Variants in L3MBTL4 observed in about 807,000 individuals in gnomAD.
The protein encoded by L3MBTL4 is L3MBTL histone methyl-lysine binding protein 4.
In L3MBTL4, 70 loss-of-function variants were observed where a neutral mutation model predicts 84.5. That is an observed-to-expected ratio of 0.83 (90% CI 0.68 to 1.01). The LOEUF (loss-of-function observed/expected upper bound fraction) is 1.01, where lower values mean the gene tolerates loss of function less well. Among genes scored for constraint, L3MBTL4 ranks in the 50% least tolerant of loss-of-function variants. The probability of loss-of-function intolerance (pLI) is 0.00; values close to 1 mark genes in which losing one functional copy is unlikely to be tolerated. For missense variants in L3MBTL4, 715 were observed against 754.8 expected (o/e 0.95, Z 0.62); for synonymous variants, 274 against 259.8 (o/e 1.05, Z -0.52).
intron 1 of L3MBTL4, among the ~76,000 whole-genome samples, chr18:6,383,946 G>A (rs1341654320): frequency 6.6e-6 from 1 of 152,176 alleles, no homozygotes; most frequent in Non-Finnish European, 1.5e-5. Flanking sequence ...CATCAAGGGT[G>A]TGCCTTTTTA....
intron 3 of L3MBTL4, among the ~76,000 whole-genome samples, chr18:6,305,360 A>G (rs2050536034): frequency 6.6e-6 from 1 of 152,202 alleles, no homozygotes; most frequent in South Asian, 2.1e-4. Context: ...AAATTGGACT[A>G]AATGTTCTCC....
chr18:6,294,186 G>A (rs1273235918), intron 4 of L3MBTL4, among the ~76,000 whole-genome samples: 1 of 152,040 alleles, frequency 6.6e-6, no homozygotes, highest in Non-Finnish European at 1.5e-5. Flanking sequence ...TCTTTGTCCT[G>A]TATTTGCAGC....
At chr18:6,137,908 T>G (rs990062085) in intron 14 of L3MBTL4, among the ~76,000 whole-genome samples, 1 of 151,874 alleles carries the variant, frequency 6.6e-6, no homozygotes, top group African/African-American at 2.4e-5. Flanking sequence ...CAGGACAGGG[T>G]GGTGGGTGTG....
At chr18:6,330,525 AT>A (rs2051976153) in intron 1 of L3MBTL4, among the ~76,000 whole-genome samples, 1 of 152,192 alleles carries the variant, frequency 6.6e-6, no homozygotes, top group African/African-American at 2.4e-5. Flanking sequence ...CCTCTTCCAC[AT>A]TTAAAGGAAC....
chr18:6,093,289 C>A, intron 15 of L3MBTL4, 66 bp downstream of exon 15: 1 of 1,268,466 alleles, frequency 7.9e-7, no homozygotes, highest in Non-Finnish European at 1.1e-6. Context: ...TTACTATTAA[C>A]AAAATTGTTC....
chr18:6,144,138 G>C (rs865858928), intron 13 of L3MBTL4, among the ~76,000 whole-genome samples: 5 of 143,492 alleles, frequency 3.5e-5, no homozygotes, highest in Middle Eastern at 7.9e-3. Context: ...GGAGCTTGCA[G>C]TGAGCTGAGA....
intron 10 of L3MBTL4, among the ~76,000 whole-genome samples, chr18:6,216,978 T>A (rs1296254396): frequency 2.6e-5 from 4 of 152,304 alleles, no homozygotes; most frequent in Middle Eastern, 3.4e-3. Context: ...TTAAAGTATG[T>A]TAGCATTTTC....
intron 4 of L3MBTL4, among the ~76,000 whole-genome samples, chr18:6,281,439 T>A (rs1177686954): frequency 1.3e-5 from 2 of 152,212 alleles, no homozygotes; most frequent in Non-Finnish European, 2.9e-5. Flanking sequence ...TTAAATACTG[T>A]CATAAATTGT....
At position 6,185,960 on chromosome 18, in the gene L3MBTL4, CTTTATTTTATTTTATTTTAT is replaced by C. The variant is rs771825177; in HGVS notation, c.982-14038_982-14019del. 3.9e-3 allele frequency among the ~76,000 whole-genome samples: 568 copies of C among 145,870 alleles called. 16 individuals carry two copies. The highest frequency in any genetic ancestry group is 0.015 in the African/African-American group (551 of 37,110). On this transcript the variant is annotated intron_variant, in intron 12 of 18. Transcript: ENST00000317931. Reference sequence around the variant, plus strand: ...AAGTGAAAACCAAAAAGGGCACTTTCTTTATTTTATTTTATTTTATTTTATTTTATTTTATTATTTTATAT... The same window carrying C: ...AAGTGAAAACCAAAAAGGGCACTTTCTTTATTTTATTTTATTATTTTATAT...
chr18:6,142,912 T>C (rs2060240636), intron 13 of L3MBTL4, among the ~76,000 whole-genome samples: 1 of 152,160 alleles, frequency 6.6e-6, no homozygotes, highest in South Asian at 2.1e-4. Flanking sequence ...AACAAATCCT[T>C]CATTAAGAAA....
At chr18:6,075,608 G>T (rs2057830557) in intron 16 of L3MBTL4, among the ~76,000 whole-genome samples, 1 of 152,024 alleles carries the variant, frequency 6.6e-6, no homozygotes, top group Non-Finnish European at 1.5e-5. Flanking sequence ...TGAACATGTG[G>T]TTGACAAAAA....
chr18:6,062,188 T>C (rs1281087930), intron 16 of L3MBTL4, among the ~76,000 whole-genome samples: 7 of 152,088 alleles, frequency 4.6e-5, no homozygotes, highest in Non-Finnish European at 8.8e-5. Context: ...ATTTCCCCAG[T>C]TTTTGTTTGT....
At chr18:6,005,653 T>G (rs1202980822) in intron 16 of L3MBTL4, among the ~76,000 whole-genome samples, 1 of 152,216 alleles carries the variant, frequency 6.6e-6, no homozygotes, top group Non-Finnish European at 1.5e-5. Flanking sequence ...TCTATGTTTC[T>G]GCAAAGGACG....
At chr18:6,128,228 C>T (rs1377197532) in intron 14 of L3MBTL4, among the ~76,000 whole-genome samples, 1 of 148,096 alleles carries the variant, frequency 6.8e-6, no homozygotes, top group East Asian at 2.0e-4. Context: ...GATTAGAAGA[C>T]AAACTTGAGG....
At chr18:6,338,127 A>G (rs1021280113) in intron 1 of L3MBTL4, among the ~76,000 whole-genome samples, 1 of 152,104 alleles carries the variant, frequency 6.6e-6, no homozygotes, top group Non-Finnish European at 1.5e-5. Flanking sequence ...AACTTTAACA[A>G]TCCACTGACG....
At chr18:6,335,589 G>C (rs1333677449) in intron 1 of L3MBTL4, among the ~76,000 whole-genome samples, 1 of 152,192 alleles carries the variant, frequency 6.6e-6, no homozygotes, top group African/African-American at 2.4e-5. Context: ...TTGGCTCTGT[G>C]TTCCCACCCA....
chr18:6,261,938 C>T (rs145852995), intron 5 of L3MBTL4, among the ~76,000 whole-genome samples: 199 of 152,284 alleles, frequency 1.3e-3, no homozygotes, highest in Middle Eastern at 0.01. Flanking sequence ...ACCCTTAACA[C>T]CCAAACATCT....
chr18:6,141,079 T>C (rs2060182197), intron 13 of L3MBTL4, among the ~76,000 whole-genome samples: 1 of 149,102 alleles, frequency 6.7e-6, no homozygotes, highest in Non-Finnish European at 1.5e-5. Context: ...TACTGAGCAC[T>C]AACTGTGTGC....
In L3MBTL4 at chr18:5,990,770, G is replaced by GTGTGTGTGT. The variant is rs1567956295; in HGVS notation, c.1445-21209_1445-21208insACACACACA. On this transcript the variant is annotated intron_variant, in intron 16 of 18. Coordinates refer to ENST00000317931, the MANE Select transcript of L3MBTL4 (RefSeq NM_001330559.2). Reference sequence around the variant, plus strand: ...TTCAAACTTTAGTAGGGTTCATGTGGGTGTGTGTGTGTGTGTGTGTGTGTG... The same window carrying GTGTGTGTGT: ...TTCAAACTTTAGTAGGGTTCATGTGGTGTGTGTGTGTGTGTGTGTGTGTGTGTGTGTGTG... Among the ~76,000 whole-genome samples the GTGTGTGTGT allele has an allele frequency of 3.5e-3, 495 of 142,362 alleles. 4 individuals carry two copies. Among genetic ancestry groups the GTGTGTGTGT allele is most frequent in the African/African-American group, 0.012 (448 of 38,156 alleles). The allele number at this position is 142,362 out of a possible 152,430, so 93.4% of individuals were successfully genotyped here. A position where few individuals can be genotyped will look rare whatever the true frequency, so the allele number is the denominator to read the frequency against.
Sources: allele counts gnomAD v4.1 joint callset (sites outside exome capture counted in the v4.1 genomes callset), GRCh38; gene constraint gnomAD v4.1.1; transcripts MANE v1.5; gene names NCBI Gene and HGNC (gene_info 2026-07-23, HGNC 2026-07-21).